The following PRKCB variants were observed in gnomAD, a reference collection of about 807,000 sequenced individuals.
PRKCB encodes the protein protein kinase C beta type.
In PRKCB, 13 loss-of-function variants were observed where a neutral mutation model predicts 81.5. That is an observed-to-expected ratio of 0.16 (90% CI 0.10 to 0.25). The LOEUF is 0.25. Ranked by LOEUF, PRKCB falls within the 10% of genes least tolerant of loss-of-function variation. The pLI is 1.00. For synonymous variants in PRKCB, 335 were observed against 321.4 expected, an observed-to-expected ratio of 1.04 and a Z score of -0.45; for missense variants, 509 against 875.7, an observed-to-expected ratio of 0.58 and a Z score of 5.29.
At chr16:24,089,493 G>A (rs1045614460) in intron 5 of PRKCB, among the ~76,000 whole-genome samples, 1 of 152,182 alleles carries the variant, frequency 6.6e-6, no homozygotes, top group Non-Finnish European at 1.5e-5. Flanking sequence ...AACAGGCAAG[G>A]CATGGTGGCT....
At position 23,882,022 on chromosome 16, in the gene PRKCB, C is replaced by CTCT. The variant is rs1555481695; in HGVS notation, c.205+44617_205+44618insCTT. On this transcript the variant is annotated intron_variant, in intron 2 of 16. Coordinates refer to ENST00000643927, the MANE Select transcript of PRKCB (RefSeq NM_002738.7). The stretch of plus-strand genomic sequence containing the variant: ...TCTTTCTTTCTTTCTTTCTTTCTTT[C>CTCT]TTCCTTCCTTCCTTCCTTCCTTCCT... Among the ~76,000 whole-genome samples the CTCT allele has an allele frequency of 7.1e-3, 405 of 57,300 alleles. 8 individuals are homozygous for CTCT. Among genetic ancestry groups the CTCT allele is most frequent in the Admixed American group, 8.9e-3 (44 of 4,950 alleles). 37.6% of individuals were successfully genotyped at this position (57,300 alleles called of 152,430 possible).
intron 2 of PRKCB, among the ~76,000 whole-genome samples, chr16:23,924,621 A>T (rs1305576985): frequency 6.6e-6 from 1 of 152,028 alleles, no homozygotes; most frequent in African/African-American, 2.4e-5. Context: ...TTGTTTAGTT[A>T]CTTCCTAATA....
chr16:23,881,031 T>G (rs1318675028), intron 2 of PRKCB, among the ~76,000 whole-genome samples: 3 of 152,152 alleles, frequency 2.0e-5, no homozygotes, highest in African/African-American at 7.2e-5. Flanking sequence ...AGTGCTCTGA[T>G]GAAACACCTT....
intron 9 of PRKCB, among the ~76,000 whole-genome samples, chr16:24,152,534 C>T (rs1037522610): frequency 2.6e-5 from 4 of 152,196 alleles, no homozygotes; most frequent in African/African-American, 7.2e-5. Flanking sequence ...TCCAATTCCT[C>T]TGCTCACTTG....
At chr16:23,962,141 C>G (rs1440614115) in intron 2 of PRKCB, among the ~76,000 whole-genome samples, 2 of 152,202 alleles carry the variant, frequency 1.3e-5, no homozygotes, top group African/African-American at 4.8e-5. Flanking sequence ...CTCTGAAACT[C>G]CTGCCTCCAG....
intron 13 of PRKCB, among the ~76,000 whole-genome samples, chr16:24,184,047 G>A (rs1327777441): frequency 1.3e-5 from 2 of 152,140 alleles, no homozygotes; most frequent in Non-Finnish European, 2.9e-5. Flanking sequence ...TACAGCATTG[G>A]AAGAAACCTA....
chr16:23,891,391 A>T (rs537298079), intron 2 of PRKCB, among the ~76,000 whole-genome samples: 2 of 152,122 alleles, frequency 1.3e-5, no homozygotes, highest in Admixed American at 1.3e-4. Flanking sequence ...CTTATTATTG[A>T]GTAGGGAAAT....
chr16:23,868,400 G>A (rs62031690), intron 2 of PRKCB, among the ~76,000 whole-genome samples: 2,817 of 152,316 alleles, frequency 0.018, 38 homozygotes, highest in South Asian at 0.041. Context: ...TCTGGGACAT[G>A]TACTGGCATT....
chr16:24,090,428 G>A (rs1477252211), intron 5 of PRKCB, among the ~76,000 whole-genome samples: 1 of 152,160 alleles, frequency 6.6e-6, no homozygotes, highest in Non-Finnish European at 1.5e-5. Flanking sequence ...ATGGTCAGCT[G>A]TTTGAGTGTA....
rs549598966 is a variant in PRKCB, at chr16:24,130,585, T to C, written c.1065+6604T>C. On this transcript the variant is annotated intron_variant, in intron 9 of 16. Coordinates refer to ENST00000643927, the MANE Select transcript of PRKCB (RefSeq NM_002738.7). ...CAAATATATACTGGCTCAGACACAA[T>C]AGAAGTTTAAAATTTTCATTAAACT... 2.0e-5 allele frequency among the ~76,000 whole-genome samples: 3 copies of C among 152,284 alleles called. No homozygotes were observed. In the East Asian group the frequency reaches 5.8e-4, roughly 29 times the overall value.
chr16:23,941,113 T>C (rs1331792313), intron 2 of PRKCB, among the ~76,000 whole-genome samples: 4 of 152,284 alleles, frequency 2.6e-5, no homozygotes, highest in Middle Eastern at 3.4e-3. Context: ...ATAGTAAATA[T>C]TTTAGGTTTA....
intron 5 of PRKCB, among the ~76,000 whole-genome samples, chr16:24,075,443 C>T (rs1293683160): frequency 6.6e-6 from 1 of 152,122 alleles, no homozygotes; most frequent in African/African-American, 2.4e-5. Context: ...AAGGGTTTTG[C>T]AGTGGGCTGA....
chr16:23,851,291 T>C (rs895402688), intron 2 of PRKCB, among the ~76,000 whole-genome samples: 1 of 152,254 alleles, frequency 6.6e-6, no homozygotes, highest in Non-Finnish European at 1.5e-5. Flanking sequence ...ATTGCATTCT[T>C]CTACATGTGG....
In PRKCB at chr16:24,216,194, G is replaced by C; in HGVS notation, c.*1378G>C. 1 of 985,490 alleles carries C rather than the reference G, an allele frequency of 1.0e-6. No individual in the cohort carries two copies. Among genetic ancestry groups the C allele is most frequent in the Non-Finnish European group, 1.2e-6 (1 of 830,014 alleles). The allele number at this position is 985,490 out of a possible 1,614,324, so 61.0% of individuals were successfully genotyped here. On this transcript the variant is annotated 3_prime_UTR_variant, in exon 17 of 17. Coordinates refer to ENST00000643927, the MANE Select transcript of PRKCB (RefSeq NM_002738.7). ...ATTCAGGGGCTGCTGGTGGGCTGTA[G>C]TGGGGTGGGATGACCTGGCCAGAGC...
chr16:24,104,147 C>T (rs982423716), intron 7 of PRKCB, among the ~76,000 whole-genome samples: 3 of 152,162 alleles, frequency 2.0e-5, no homozygotes, highest in African/African-American at 7.2e-5. Flanking sequence ...CTTTTGTTTG[C>T]TTGAGCTAAA....
intron 9 of PRKCB, among the ~76,000 whole-genome samples, chr16:24,140,645 C>T (rs1005627959): frequency 1.1e-4 from 17 of 152,048 alleles, no homozygotes; most frequent in South Asian, 2.1e-4. Flanking sequence ...GGGTTCACGT[C>T]GGGGCTGTCC....
chr16:24,155,776 A>G (rs1967147513), intron 10 of PRKCB, among the ~76,000 whole-genome samples: 1 of 152,038 alleles, frequency 6.6e-6, no homozygotes, highest in Non-Finnish European at 1.5e-5. Flanking sequence ...TATCTGTTCT[A>G]TTATCTGCTG....
At chr16:24,024,929 G>A (rs1044480757) in intron 3 of PRKCB, among the ~76,000 whole-genome samples, 4 of 152,306 alleles carry the variant, frequency 2.6e-5, no homozygotes, top group Non-Finnish European at 5.9e-5. Context: ...TCAGGTAGCA[G>A]GAAGGAGGAG....
At chr16:24,043,052 A>G (rs1398754672) in intron 5 of PRKCB, among the ~76,000 whole-genome samples, 2 of 152,184 alleles carry the variant, frequency 1.3e-5, no homozygotes, top group African/African-American at 4.8e-5. Flanking sequence ...TTAAGTGTAC[A>G]ATGGCTGAGT....
Sources: gnomAD v4.1 joint callset for allele counts (sites outside exome capture counted in the v4.1 genomes callset) on GRCh38, gnomAD v4.1.1 for gene constraint, MANE v1.5 for transcripts, NCBI Gene and HGNC (gene_info 2026-07-23, HGNC 2026-07-21) for gene names.